Variants in KIAA0513 observed in about 807,000 individuals in gnomAD.
The protein encoded by KIAA0513 is KIAA0513.
KIAA0513 carries 39 observed loss-of-function variants against 56.5 expected under a neutral mutation model. That is an observed-to-expected ratio of 0.69 (90% CI 0.53 to 0.90). The LOEUF (loss-of-function observed/expected upper bound fraction) is 0.90. KIAA0513 is among the 40% of genes least tolerant of loss of function. KIAA0513 has a pLI of 0.00. For missense variants in KIAA0513, 591 were observed against 535.2 expected, an observed-to-expected ratio of 1.10 and a Z score of -1.03; for synonymous variants, 268 against 215.6, an observed-to-expected ratio of 1.24 and a Z score of -2.13.
intron 1 of KIAA0513, among the ~76,000 whole-genome samples, chr16:85,051,136 A>T (rs2073247071): frequency 6.6e-6 from 1 of 151,974 alleles, no homozygotes; most frequent in South Asian, 2.1e-4. Flanking sequence ...ACAGAGTGAG[A>T]CCCTGTCTTA....
intron 10 of KIAA0513, among the ~76,000 whole-genome samples, chr16:85,084,617 C>T (rs188539754): frequency 7.2e-5 from 11 of 152,246 alleles, no homozygotes; most frequent in East Asian, 3.9e-4. Flanking sequence ...TTAGTATAGA[C>T]GGGGTTTCAC....
In KIAA0513 at chr16:85,082,664, G is replaced by C. The variant is rs1474861452; in HGVS notation, c.1010+71G>C. On this transcript the variant is annotated intron_variant, in intron 10 of 12. Transcript: ENST00000683363. ...CTGCGAAGGCCACTGCAGGGTGGGG[G>C]CTGTGCACTGTGCTGAGCTGCTGCA... 21 of 1,492,876 alleles carry C rather than the reference G, an allele frequency of 1.4e-5. No individual in the cohort carries two copies. The African/African-American group carries it at 2.3e-4, about 17-fold the overall frequency. 92.5% of individuals were successfully genotyped at this position (1,492,876 alleles called of 1,614,324 possible).
At chr16:85,082,251 C>T (rs1042632130) in intron 9 of KIAA0513, among the ~76,000 whole-genome samples, 5 of 152,044 alleles carry the variant, frequency 3.3e-5, no homozygotes, top group Admixed American at 6.5e-5. Context: ...GTGCCATGGC[C>T]GCATTTCCTG....
At chr16:85,075,108 TTA>T (rs1304149953) in intron 4 of KIAA0513, among the ~76,000 whole-genome samples, 1 of 149,904 alleles carries the variant, frequency 6.7e-6, no homozygotes, top group African/African-American at 2.4e-5. Context: ...TTTATAATCT[TTA>T]GTTTGTTAAA....
In KIAA0513 at chr16:85,067,065, C is replaced by G; in HGVS notation, c.-7C>G. ...CCAGGCAGCCTCACCAGCAGCTCCC[C>G]TGAGCCATGGAGACCCCAGAGGTCC... On this transcript the variant is annotated 5_prime_UTR_variant, in exon 2 of 13. Transcript: ENST00000683363. 1 of 1,552,206 alleles carries G rather than the reference C, an allele frequency of 6.4e-7. No individual in the cohort carries two copies. The highest frequency in any genetic ancestry group is 2.3e-5 in the East Asian group (1 of 44,206).
chr16:85,044,760 C>T (rs1023017258), intron 1 of KIAA0513, among the ~76,000 whole-genome samples: 4 of 151,966 alleles, frequency 2.6e-5, no homozygotes, highest in African/African-American at 9.7e-5. Flanking sequence ...CCTGTCTCAG[C>T]CTCCCAAAGT....
At chr16:85,055,937 G>A (rs1168971759) in intron 1 of KIAA0513, among the ~76,000 whole-genome samples, 2 of 152,178 alleles carry the variant, frequency 1.3e-5, no homozygotes, top group Non-Finnish European at 2.9e-5. Flanking sequence ...GGTGCTGCGG[G>A]GCAATCTGTG....
chr16:85,040,356 G>A (rs528165688), intron 1 of KIAA0513, among the ~76,000 whole-genome samples: 1 of 152,068 alleles, frequency 6.6e-6, no homozygotes, highest in Non-Finnish European at 1.5e-5. Context: ...AATATTAACA[G>A]TGTCATTGTC....
intron 1 of KIAA0513, among the ~76,000 whole-genome samples, chr16:85,043,401 A>ATTTTTTTT (rs761248323): frequency 2.6e-5 from 2 of 77,910 alleles, no homozygotes; most frequent in Non-Finnish European, 4.6e-5. Context: ...TGCTTCTTGG[A>ATTTTTTTT]TTTTTTTTTT....
chr16:85,085,412 C>G (rs1040277290), intron 10 of KIAA0513, among the ~76,000 whole-genome samples: 23 of 152,224 alleles, frequency 1.5e-4, no homozygotes, highest in African/African-American at 5.5e-4. Context: ...TTTTGTTTCT[C>G]TTCCTCTGGC....
intron 11 of KIAA0513, 37 bp downstream of exon 11, chr16:85,086,761 G>A: frequency 6.4e-7 from 1 of 1,561,556 alleles, no homozygotes; most frequent in Non-Finnish European, 8.8e-7. Flanking sequence ...GGGGAGAGGG[G>A]GGAGGGCCCA....
At chr16:85,043,802 G>T (rs940656948) in intron 1 of KIAA0513, among the ~76,000 whole-genome samples, 1 of 152,186 alleles carries the variant, frequency 6.6e-6, no homozygotes, top group South Asian at 2.1e-4. Flanking sequence ...GGAGGCCGAA[G>T]CGGGCGGATC....
rs980045626 is a variant in KIAA0513, at chr16:85,091,561, A to G, written c.*3236A>G. 1 of 152,312 alleles carries G rather than the reference A, an allele frequency of 6.6e-6. No individual in the cohort carries two copies. 9.4% of individuals were successfully genotyped at this position (152,312 alleles called of 1,614,324 possible). On this transcript the variant is annotated 3_prime_UTR_variant, in exon 13 of 13. Coordinates refer to ENST00000683363, the MANE Select transcript of KIAA0513 (RefSeq NM_001388359.1). ...AAATCCTGATGTTCAGGTTAATCCA[A>G]GCAACACGCATTGGGTTTAAAACCA...
chr16:85,070,330 A>G (rs953583624), intron 2 of KIAA0513, among the ~76,000 whole-genome samples: 3 of 152,060 alleles, frequency 2.0e-5, no homozygotes, highest in Non-Finnish European at 4.4e-5. Flanking sequence ...TCAGTTTTCT[A>G]TGTGGTTAGA....
chr16:85,049,457 C>T (rs1002958979), intron 1 of KIAA0513, among the ~76,000 whole-genome samples: 1 of 152,212 alleles, frequency 6.6e-6, no homozygotes, highest in African/African-American at 2.4e-5. Context: ...GAATTGTAAT[C>T]TCCAGTGTTG....
At chr16:85,067,856 G>T (rs1453489708) in intron 2 of KIAA0513, among the ~76,000 whole-genome samples, 3 of 151,872 alleles carry the variant, frequency 2.0e-5, no homozygotes, top group African/African-American at 7.3e-5. Context: ...TGTCACCCAG[G>T]CTGGAGTGCA....
intron 1 of KIAA0513, among the ~76,000 whole-genome samples, chr16:85,053,137 C>G (rs957138019): frequency 5.3e-5 from 8 of 152,220 alleles, no homozygotes; most frequent in Non-Finnish European, 8.8e-5. Flanking sequence ...GATCCGCCCA[C>G]TTCAGCCTCC....
chr16:85,066,060 G>A (rs1487859527), intron 1 of KIAA0513, among the ~76,000 whole-genome samples: 5 of 152,300 alleles, frequency 3.3e-5, no homozygotes, highest in South Asian at 2.1e-4. Context: ...TATACTTTAC[G>A]GGTAAACAGA....
intron 2 of KIAA0513, among the ~76,000 whole-genome samples, chr16:85,070,548 G>T (rs947979605): frequency 2.0e-5 from 3 of 152,112 alleles, no homozygotes; most frequent in African/African-American, 7.2e-5. Flanking sequence ...CGTGGTGGCA[G>T]GTGCCTGTAA....
Sources: gnomAD v4.1 joint callset for allele counts (sites outside exome capture counted in the v4.1 genomes callset) on GRCh38, gnomAD v4.1.1 for gene constraint, MANE v1.5 for transcripts, NCBI Gene and HGNC (gene_info 2026-07-23, HGNC 2026-07-21) for gene names.